Variants in VPS54 observed in about 807,000 individuals in gnomAD.
VPS54 encodes the protein vacuolar protein sorting-associated protein 54.
In VPS54, 45 loss-of-function variants were observed where a neutral mutation model predicts 121.5. The observed-to-expected ratio is 0.37, with a 90% CI of 0.29 to 0.47. VPS54 has a LOEUF of 0.47. Ranked by LOEUF, VPS54 falls within the 20% of genes least tolerant of loss-of-function variation. The pLI, the probability that VPS54 is intolerant of heterozygous loss-of-function variation, is 0.99. For synonymous variants in VPS54, 371 were observed against 385.8 expected (o/e 0.96, Z 0.45); for missense variants, 1,090 against 1,131.4 (o/e 0.96, Z 0.52).
intron 12 of VPS54, among the ~76,000 whole-genome samples, chr2:63,923,953 T>C (rs1215090646): frequency 6.6e-6 from 1 of 152,182 alleles, no homozygotes; most frequent in African/African-American, 2.4e-5. Context: ...CTCACACATA[T>C]AAGTATACTC....
At chr2:63,957,441 C>CAAAAAAAAAAAAAAAAAAAAA (rs10551633) in intron 7 of VPS54, among the ~76,000 whole-genome samples, 3 of 90,132 alleles carry the variant, frequency 3.3e-5, no homozygotes, top group Non-Finnish European at 6.8e-5. Flanking sequence ...GACTCCATCT[C>CAAAAAAAAAAAAAAAAAAAAA]AAAAAAAAAA....
intron 20 of VPS54, among the ~76,000 whole-genome samples, chr2:63,906,428 G>A (rs6710437): frequency 0.093 from 14,128 of 152,124 alleles, 1,046 homozygotes; most frequent in African/African-American, 0.21. Flanking sequence ...ATGTACAATA[G>A]CATCAAAAAT....
At chr2:63,962,711 T>C (rs1389745163) in intron 6 of VPS54, among the ~76,000 whole-genome samples, 1 of 152,118 alleles carries the variant, frequency 6.6e-6, no homozygotes, top group Non-Finnish European at 1.5e-5. Context: ...AAACACCAAC[T>C]GCTTTCTAAA....
chr2:63,989,320 ACT>A (rs993745336), intron 1 of VPS54, among the ~76,000 whole-genome samples: 7 of 151,902 alleles, frequency 4.6e-5, no homozygotes, highest in African/African-American at 1.7e-4. Flanking sequence ...TGTGACCCAC[ACT>A]CTATTCGTAT....
intron 12 of VPS54, 80 bp from the exon 13 acceptor site, chr2:63,921,415 A>C: frequency 6.8e-7 from 1 of 1,461,132 alleles, no homozygotes; most frequent in Non-Finnish European, 9.2e-7. Context: ...AATAAAAAGG[A>C]TGAAAAAGCT....
chr2:63,990,165 G>T (rs879529325), intron 1 of VPS54, among the ~76,000 whole-genome samples: 1 of 152,040 alleles, frequency 6.6e-6, no homozygotes, highest in South Asian at 2.1e-4. Flanking sequence ...TTCCTCTCCC[G>T]CATGGACTTC....
chr2:63,974,627 G>A (rs1676435694), intron 3 of VPS54, among the ~76,000 whole-genome samples: 1 of 152,050 alleles, frequency 6.6e-6, no homozygotes. Flanking sequence ...CAGTCTTGTG[G>A]TTTTCCTCAG....
intron 1 of VPS54, among the ~76,000 whole-genome samples, chr2:64,010,295 G>C (rs1005981936): frequency 1.3e-5 from 2 of 152,044 alleles, no homozygotes; most frequent in African/African-American, 4.8e-5. Context: ...TTTTTTAAAA[G>C]TCCACAACTG....
At chr2:63,907,530 AAAAAG>A (rs1240714325) in intron 20 of VPS54, among the ~76,000 whole-genome samples, 71 of 151,572 alleles carry the variant, frequency 4.7e-4, no homozygotes, top group South Asian at 2.1e-4. Flanking sequence ...AAAAAAAAAA[AAAAAG>A]AAAAGAAAAG....
At position 63,933,681 on chromosome 2, in the gene VPS54, C is replaced by T. The variant is rs779354808; in HGVS notation, c.1731G>A (p.Val577=). 6.2e-7 allele frequency: 1 copy of T among 1,611,212 alleles called. No homozygotes were observed. Among genetic ancestry groups the T allele is most frequent in the Non-Finnish European group, 8.5e-7 (1 of 1,179,118 alleles). The change falls in exon 12 of 23, where the codon GTG becomes GTA. Residue 577 remains valine, a synonymous_variant. Coordinates refer to ENST00000272322, the MANE Select transcript of VPS54 (RefSeq NM_016516.3). ...HTSSSAIPGG[V]DIMVSEDMKL... Reference sequence around the variant, plus strand: ...GTAGCCACTATACTCACATAATATCCACACCTCCTGGAATAGCAGATGATG... The same window carrying T: ...GTAGCCACTATACTCACATAATATCTACACCTCCTGGAATAGCAGATGATG...
chr2:63,912,050 T>C (rs1437635276), intron 20 of VPS54, among the ~76,000 whole-genome samples: 2 of 152,188 alleles, frequency 1.3e-5, no homozygotes, highest in Non-Finnish European at 2.9e-5. Flanking sequence ...TCATCTCTCC[T>C]ACTCCTGCCA....
intron 1 of VPS54, among the ~76,000 whole-genome samples, chr2:64,013,057 T>C (rs562495441): frequency 2.6e-5 from 4 of 152,242 alleles, no homozygotes; most frequent in Non-Finnish European, 5.9e-5. Flanking sequence ...AAATCACTGG[T>C]TAAAGGGTTG....
chr2:64,012,432 G>A (rs68117986), intron 1 of VPS54, among the ~76,000 whole-genome samples: 22,095 of 137,212 alleles, frequency 0.16, 1,941 homozygotes, highest in Middle Eastern at 0.25. Flanking sequence ...TTCCAACAAC[G>A]CAAGGCTCAA....
rs1259643237 is a variant in VPS54, at chr2:63,965,831, T to C, written c.624+4A>G. ...CTACATGGAAAAAGTCAAAAAGAAA[T>C]TACCTTTTCTTGAAGCAACTTTGAG... On this transcript the variant is annotated splice_donor_region_variant and intron_variant, in intron 6 of 22. Transcript: ENST00000272322. 6.2e-7 allele frequency: 1 copy of C among 1,610,390 alleles called. No individual in the cohort carries two copies. Among genetic ancestry groups the C allele is most frequent in the Admixed American group, 1.7e-5 (1 of 59,186 alleles).
At chr2:63,930,887 C>G (rs1284681515) in intron 12 of VPS54, among the ~76,000 whole-genome samples, 1 of 152,096 alleles carries the variant, frequency 6.6e-6, no homozygotes, top group Non-Finnish European at 1.5e-5. Flanking sequence ...AACAGAGAGC[C>G]AAATCATGAG....
chr2:63,892,498 G>A lies in VPS54; in HGVS notation c.*932C>T, dbSNP rs543206867. Reference sequence around the variant, plus strand: ...CCTGGTCTTTGTTCGTATACACATCGAAAGTAACTTAAAAACAAGGATCCA... The same window carrying A: ...CCTGGTCTTTGTTCGTATACACATCAAAAGTAACTTAAAAACAAGGATCCA... On this transcript the variant is annotated 3_prime_UTR_variant, in exon 23 of 23. Coordinates refer to ENST00000272322, the MANE Select transcript of VPS54 (RefSeq NM_016516.3). 34 of 152,558 alleles carry A rather than the reference G, an allele frequency of 2.2e-4. No homozygotes were observed. The highest frequency in any genetic ancestry group is 4.0e-4 in the Non-Finnish European group (27 of 67,986). The allele number at this position is 152,558 out of a possible 1,614,324, so 9.5% of individuals were successfully genotyped here. A position where few individuals can be genotyped will look rare whatever the true frequency, so the allele number is the denominator to read the frequency against.
chr2:64,015,594 C>A (rs1678646305), intron 1 of VPS54, among the ~76,000 whole-genome samples: 1 of 152,140 alleles, frequency 6.6e-6, no homozygotes, highest in African/African-American at 2.4e-5. Context: ...TGGCCAATAC[C>A]ATTTCCTTCA....
chr2:63,997,065 C>T (rs1677631471), intron 1 of VPS54, among the ~76,000 whole-genome samples: 1 of 152,154 alleles, frequency 6.6e-6, no homozygotes, highest in Admixed American at 6.5e-5. Context: ...TACTATTTCC[C>T]TTTATTTCTC....
chr2:63,937,943 TA>T (rs915033371), intron 11 of VPS54, among the ~76,000 whole-genome samples: 6 of 152,026 alleles, frequency 3.9e-5, no homozygotes, highest in African/African-American at 1.5e-4. Context: ...ATGAAATACC[TA>T]ATAATCGGTG....
Sources: gnomAD v4.1 joint callset for allele counts (sites outside exome capture counted in the v4.1 genomes callset) on GRCh38, gnomAD v4.1.1 for gene constraint, MANE v1.5 for transcripts, NCBI Gene and HGNC (gene_info 2026-07-23, HGNC 2026-07-21) for gene names.